DZIP1L: variants seen among roughly 807,000 people sequenced by gnomAD.
DZIP1L encodes DAZ interacting zinc finger protein 1 like.
Under a neutral mutation model 88.7 loss-of-function variants are expected in DZIP1L, and 90 were observed. That is an observed-to-expected ratio of 1.02 (90% CI 0.86 to 1.21). DZIP1L has a LOEUF of 1.21. DZIP1L is among the 50% of genes most tolerant of loss of function. The pLI is 0.00. For missense variants in DZIP1L, 932 were observed against 955.8 expected, an observed-to-expected ratio of 0.98 and a Z score of 0.33; for synonymous variants, 363 against 372.1, an observed-to-expected ratio of 0.98 and a Z score of 0.28.
At chr3:138,091,314 T>C (rs1944210653) in intron 5 of DZIP1L, among the ~76,000 whole-genome samples, 1 of 151,656 alleles carries the variant, frequency 6.6e-6, no homozygotes, top group African/African-American at 2.4e-5. Flanking sequence ...TCAATTTCTT[T>C]ACCTATAAAG....
chr3:138,094,746 G>A (rs1944389390), intron 4 of DZIP1L, 116 bp downstream of exon 4: 2 of 1,496,086 alleles, frequency 1.3e-6, no homozygotes, highest in Non-Finnish European at 9.0e-7. Flanking sequence ...TCCCAGCTCT[G>A]ACTCCCAGCT....
Position 138,103,756 on chromosome 3 carries a change from G to A in DZIP1L, c.216C>T (p.Cys72=). 2 of 1,613,964 alleles carry A rather than the reference G, an allele frequency of 1.2e-6. No individual in the cohort carries two copies. Among genetic ancestry groups the A allele is most frequent in the Non-Finnish European group, 1.7e-6 (2 of 1,180,044 alleles). The part of the protein sequence containing the change: ...ITFCNLDREV[C]SRCGQPVDPA... ...GGTCCACAGGCTGCCCACAGCGGCT[G>A]CACACCTCCCGGTCCAAGTTGCAGA... Residue 72 remains cysteine, a synonymous_variant, in exon 2 of 16, where the codon TGC becomes TGT. Coordinates refer to ENST00000327532, the MANE Select transcript of DZIP1L (RefSeq NM_173543.3).
chr3:138,090,940 G>A (rs957335854), intron 5 of DZIP1L, among the ~76,000 whole-genome samples: 7 of 150,758 alleles, frequency 4.6e-5, no homozygotes, highest in African/African-American at 1.7e-4. Context: ...CAGGGGTGCA[G>A]TGGCGTGATC....
chr3:138,068,548 G>A (rs1255415489), intron 12 of DZIP1L, among the ~76,000 whole-genome samples, 181 bp from the exon 13 acceptor site: 2 of 152,156 alleles, frequency 1.3e-5, no homozygotes, highest in African/African-American at 4.8e-5. Context: ...CAGATTCGAG[G>A]CTAGGACCAC....
chr3:138,114,268 C>A (rs1411960094), intron 1 of DZIP1L, among the ~76,000 whole-genome samples: 1 of 152,210 alleles, frequency 6.6e-6, no homozygotes, highest in Non-Finnish European at 1.5e-5. Context: ...GAGCAAAAAA[C>A]CTTTGACCAA....
intron 3 of DZIP1L, among the ~76,000 whole-genome samples, 185 bp from the exon 4 acceptor site, chr3:138,095,168 C>T (rs1256085549): frequency 6.6e-6 from 1 of 152,184 alleles, no homozygotes; most frequent in Non-Finnish European, 1.5e-5. Context: ...ATAGAGATAA[C>T]AATAGCACCT....
At position 138,064,745 on chromosome 3, in the gene DZIP1L, G is replaced by T. The variant is rs745423447; in HGVS notation, c.2025C>A (p.Val675=). 1.9e-6 allele frequency: 3 copies of T among 1,594,796 alleles called. No homozygotes were observed. The highest frequency in any genetic ancestry group is 2.6e-6 in the Non-Finnish European group (3 of 1,172,282). ...CTTCTAGCTGCTTCTCCAGGTTTTT[G>T]ACCATCGACTGCACCAGTGTTCCTG... ...QGSGTLVQSM[V]KNLEKQLEAP... Residue 675 remains valine, a synonymous_variant, in exon 15 of 16, where the codon GTC becomes GTA. Coordinates refer to ENST00000327532, the MANE Select transcript of DZIP1L (RefSeq NM_173543.3).
rs917137867 is a variant in DZIP1L at position 138,102,198 on chromosome 3, G to T, written c.501+1273C>A. On this transcript the variant is annotated intron_variant, in intron 2 of 15. Coordinates refer to ENST00000327532, the MANE Select transcript of DZIP1L (RefSeq NM_173543.3). ...CATGGACAGCACCACAGGCGTGTCC[G>T]AGATCTGGGACTGCAGCTCCCGGAT... 4.2e-5 allele frequency: 58 copies of T among 1,372,816 alleles called. No homozygotes were observed. The African/African-American group carries it at 7.1e-4, about 17-fold the overall frequency. 85.0% of individuals were successfully genotyped at this position (1,372,816 alleles called of 1,614,324 possible).
intron 1 of DZIP1L, among the ~76,000 whole-genome samples, chr3:138,108,571 C>T (rs774217156): frequency 3.3e-5 from 5 of 152,094 alleles, no homozygotes; most frequent in African/African-American, 4.8e-5. Flanking sequence ...CACCTGCAAC[C>T]CATTTCTCCC....
At chr3:138,067,409 A>C in intron 14 of DZIP1L, 122 bp downstream of exon 14, 22 of 1,144,784 alleles carry the variant, frequency 1.9e-5, no homozygotes, top group Non-Finnish European at 2.0e-5. Context: ...AAATAGAGAA[A>C]GAGATGTCAA....
At chr3:138,080,510 G>T in intron 10 of DZIP1L, 57 bp downstream of exon 10, 1 of 1,583,118 alleles carries the variant, frequency 6.3e-7, no homozygotes, top group South Asian at 1.1e-5. Context: ...TAAACAAGGA[G>T]GAGGGCAGCA....
At chr3:138,084,757 T>C (rs1212466565) in intron 7 of DZIP1L, among the ~76,000 whole-genome samples, 1 of 152,228 alleles carries the variant, frequency 6.6e-6, no homozygotes, top group Non-Finnish European at 1.5e-5. Flanking sequence ...TCTTAATATA[T>C]TTCTCCTGTT....
Position 138,102,607 on chromosome 3 carries a change from G to A in DZIP1L, c.501+864C>T. The A allele has an allele frequency of 6.8e-6, 10 of 1,473,918 alleles. No homozygotes were observed. In the South Asian group the frequency reaches 1.1e-4, roughly 17 times the overall value. 91.3% of individuals were successfully genotyped at this position (1,473,918 alleles called of 1,614,324 possible). A position where few individuals can be genotyped will look rare whatever the true frequency, so the allele number is the denominator to read the frequency against. On this transcript the variant is annotated intron_variant, in intron 2 of 15. Transcript: ENST00000327532. Reference sequence around the variant, plus strand: ...CAGGAACCATACCTTGTCTATGAAGGAGGCAAACTTGTTGTTGAGGGTCTT... The same window carrying A: ...CAGGAACCATACCTTGTCTATGAAGAAGGCAAACTTGTTGTTGAGGGTCTT...
At chr3:138,074,326 A>T (rs1943306126) in intron 11 of DZIP1L, among the ~76,000 whole-genome samples, 3 of 152,232 alleles carry the variant, frequency 2.0e-5, no homozygotes, top group African/African-American at 7.2e-5. Flanking sequence ...CAGGTAACCT[A>T]TAAAGGAACA....
intron 1 of DZIP1L, among the ~76,000 whole-genome samples, chr3:138,107,385 C>T (rs540211214): frequency 6.6e-6 from 1 of 152,318 alleles, no homozygotes; most frequent in Admixed American, 6.5e-5. Context: ...TTCCACTCTC[C>T]ACCAGGAGAT....
intron 8 of DZIP1L, among the ~76,000 whole-genome samples, chr3:138,083,862 T>C (rs1943792804): frequency 6.6e-6 from 1 of 152,140 alleles, no homozygotes; most frequent in Non-Finnish European, 1.5e-5. Context: ...TGCTGAGCGT[T>C]TTATATGGTC....
At chr3:138,101,351 G>T in intron 2 of DZIP1L, 2 of 611,994 alleles carry the variant, frequency 3.3e-6, no homozygotes, top group Non-Finnish European at 5.8e-6. Context: ...CCCGCAGGTG[G>T]GTTGAGGGCT....
Position 138,068,218 on chromosome 3 carries a change from C to T in DZIP1L, c.1765G>A (p.Ala589Thr), listed in dbSNP as rs138745459. Residue 589 changes from alanine (A) to threonine (T), a missense_variant, in exon 13 of 16, where the codon GCC becomes ACC. Ala to Thr is a moderately conservative substitution (Grantham distance 58). Transcript: ENST00000327532. The part of the protein sequence containing the change: ...SHGSSLTQVS[A>T]PAPRPGLHGP... ...TGCAGTCCGGGGCGTGGAGCGGGGG[C>T]GGACACCTGGGTCAGGCTGGAGCCA... The T allele has an allele frequency of 3.5e-5, 55 of 1,591,344 alleles. No homozygotes were observed. The African/African-American group carries it at 4.0e-4, about 12-fold the overall frequency.
chr3:138,062,604 G>T lies in DZIP1L; in HGVS notation c.*212C>A, dbSNP rs1200457922. 1 of 525,876 alleles carries T rather than the reference G, an allele frequency of 1.9e-6. No homozygotes were observed. The highest frequency in any genetic ancestry group is 2.9e-5 in the East Asian group (1 of 34,610). The allele number at this position is 525,876 out of a possible 1,614,324, so 32.6% of individuals were successfully genotyped here. A position where few individuals can be genotyped will look rare whatever the true frequency, so the allele number is the denominator to read the frequency against. On this transcript the variant is annotated 3_prime_UTR_variant, in exon 16 of 16. Coordinates refer to ENST00000327532, the MANE Select transcript of DZIP1L (RefSeq NM_173543.3). ...CTTTCTCAAGCCTGGGGACCTAGGG[G>T]CTCCTAGTCAGGCACCTGTGGCCAT...
Sources: allele counts gnomAD v4.1 joint callset (sites outside exome capture counted in the v4.1 genomes callset), GRCh38; gene constraint gnomAD v4.1.1; transcripts MANE v1.5; gene names NCBI Gene and HGNC (gene_info 2026-07-23, HGNC 2026-07-21).